Variants in EYA1 observed in about 807,000 individuals in gnomAD.
EYA1 encodes the protein EYA transcriptional coactivator and phosphatase 1.
Under a neutral mutation model 82.0 loss-of-function variants are expected in EYA1, and 16 were observed. The ratio of observed to expected loss-of-function variants is 0.20; its 90% CI spans 0.13 to 0.30. The LOEUF (loss-of-function observed/expected upper bound fraction) is 0.30. Ranked by LOEUF, EYA1 falls within the 10% of genes least tolerant of loss-of-function variation. The probability of loss-of-function intolerance (pLI) is 1.00; values close to 1 mark genes in which losing one functional copy is unlikely to be tolerated. For synonymous variants in EYA1, 261 were observed against 264.4 expected (o/e 0.99, Z 0.12); for missense variants, 633 against 730.7 (o/e 0.87, Z 1.54).
At position 71,488,574 on chromosome 8, in the gene EYA1, G is replaced by A. The variant is rs114328364; in HGVS notation, c.33+47170C>T. ...GAAGTCAGAGAAGTGATAGATATCG[G>A]TTGGGAATAAGGATGAGGGAGCCAA... is the stretch of plus-strand genomic sequence containing the variant. On this transcript the variant is annotated intron_variant, in intron 2 of 18. Coordinates refer to the EYA1 transcript ENST00000643681. Among the ~76,000 whole-genome samples, 1,335 of 152,238 alleles carry A rather than the reference G, an allele frequency of 8.8e-3. 16 individuals are homozygous for A. Among genetic ancestry groups the A allele is most frequent in the African/African-American group, 0.03 (1,246 of 41,532 alleles).
intron 2 of EYA1, chr8:71,404,411 C>T (rs1286703682): frequency 1.3e-5 from 2 of 152,196 alleles, no homozygotes; most frequent in Non-Finnish European, 2.9e-5. Context: ...GTGGTCACCA[C>T]ACTTCATAAG....
At chr8:71,534,528 T>C (rs1814540418) in intron 2 of EYA1, among the ~76,000 whole-genome samples, 1 of 151,990 alleles carries the variant, frequency 6.6e-6, no homozygotes, top group Non-Finnish European at 1.5e-5. Flanking sequence ...TCCTGCTTAT[T>C]GCATAACACC....
intron 2 of EYA1, among the ~76,000 whole-genome samples, chr8:71,462,625 C>G (rs1449018849): frequency 3.3e-5 from 5 of 152,176 alleles, no homozygotes; most frequent in Non-Finnish European, 7.4e-5. Context: ...GTCCCTGGCT[C>G]CCACTGGCTC....
At chr8:71,322,452 A>G (rs1209617737) in intron 4 of EYA1, 184 bp from the exon 5 acceptor site, 1 of 620,466 alleles carries the variant, frequency 1.6e-6, no homozygotes, top group Non-Finnish European at 2.9e-6. Flanking sequence ...AACTATAAAG[A>G]GGAATGAATA....
chr8:71,397,993 T>C (rs147240604), intron 2 of EYA1, among the ~76,000 whole-genome samples: 113 of 152,314 alleles, frequency 7.4e-4, no homozygotes, highest in African/African-American at 2.6e-3. Context: ...CATTTCTTTT[T>C]AATCTTTTTT....
chr8:71,302,812 C>A (rs1232885611), intron 7 of EYA1, among the ~76,000 whole-genome samples: 1 of 141,792 alleles, frequency 7.1e-6, no homozygotes, highest in East Asian at 2.1e-4. Context: ...TACTGTCCAG[C>A]CCATTCTCTG....
chr8:71,360,157 A>G (rs1827247230), intron 1 of EYA1, among the ~76,000 whole-genome samples: 1 of 152,222 alleles, frequency 6.6e-6, no homozygotes, highest in African/African-American at 2.4e-5. Context: ...TTCAAGTAGT[A>G]TAGTACATTA....
intron 2 of EYA1, among the ~76,000 whole-genome samples, chr8:71,445,854 A>C (rs958885068): frequency 6.6e-6 from 1 of 152,162 alleles, no homozygotes; most frequent in Non-Finnish European, 1.5e-5. Flanking sequence ...CGCCTGGCTC[A>C]TTCTAAACTT....
intron 9 of EYA1, among the ~76,000 whole-genome samples, chr8:71,292,924 GA>G (rs920038231): frequency 5.9e-4 from 89 of 151,612 alleles, no homozygotes; most frequent in Non-Finnish European, 1.1e-3. Context: ...AAAGCAATCA[GA>G]AAAAAATTAT....
chr8:71,473,864 G>C (rs1338249978), intron 2 of EYA1, among the ~76,000 whole-genome samples: 3 of 152,122 alleles, frequency 2.0e-5, no homozygotes, highest in Non-Finnish European at 4.4e-5. Context: ...GGAATACTAT[G>C]CAGCCATAAA....
At chr8:71,501,689 C>T (rs1204187429) in intron 2 of EYA1, among the ~76,000 whole-genome samples, 3 of 152,174 alleles carry the variant, frequency 2.0e-5, no homozygotes, top group Non-Finnish European at 4.4e-5. Context: ...CACTGAAATA[C>T]AGTAGCAATC....
chr8:71,294,255 C>G (rs1381675503), intron 9 of EYA1, among the ~76,000 whole-genome samples: 1 of 151,966 alleles, frequency 6.6e-6, no homozygotes, highest in Non-Finnish European at 1.5e-5. Context: ...GTCAGGAGAT[C>G]GAGACCATCC....
chr8:71,383,053 C>G (rs547452896), intron 2 of EYA1, among the ~76,000 whole-genome samples: 3 of 151,596 alleles, frequency 2.0e-5, no homozygotes, highest in South Asian at 4.2e-4. Flanking sequence ...AGTTACATTA[C>G]TGTAATGTAT....
At chr8:71,397,581 G>A (rs1287603649) in intron 2 of EYA1, among the ~76,000 whole-genome samples, 1 of 152,186 alleles carries the variant, frequency 6.6e-6, no homozygotes, top group Non-Finnish European at 1.5e-5. Context: ...ATTCTGGGTT[G>A]AAAATTCTTT....
chr8:71,363,495 T>C (rs545071518), upstream of EYA1, among the ~76,000 whole-genome samples: 5 of 152,292 alleles, frequency 3.3e-5, no homozygotes, highest in African/African-American at 1.2e-4. Flanking sequence ...CAAGGAATCA[T>C]GGGCTAGTCA....
chr8:71,248,063 A>G (rs1431994578), intron 11 of EYA1, among the ~76,000 whole-genome samples: 1 of 152,238 alleles, frequency 6.6e-6, no homozygotes. Context: ...ACTTTTCTTC[A>G]TAAATTACAG....
chr8:71,408,917 T>TCCACCCC (rs1159262743), intron 2 of EYA1, among the ~76,000 whole-genome samples: 1 of 109,250 alleles, frequency 9.2e-6, no homozygotes, highest in Non-Finnish European at 1.8e-5. Flanking sequence ...CAACAGAATA[T>TCCACCCC]ACATTTTTTT....
At position 71,199,346 on chromosome 8, in the gene EYA1, G is replaced by A. The variant is rs769375738; in HGVS notation, c.1773C>T (p.Tyr591=). Residue 591 remains tyrosine, a synonymous_variant, in exon 18 of 18, where the codon TAC becomes TAT. Transcript: ENST00000340726. Reference sequence around the variant, plus strand: ...GTCAAAGTGCCGAGCGCTGTTACAGGTACTCCAGTTCCAAGGCATGGTGCA... The same window carrying A: ...GTCAAAGTGCCGAGCGCTGTTACAGATACTCCAGTTCCAAGGCATGGTGCA... ...MALHHALELE[Y]L is the part of the protein sequence containing the mutation. The A allele has an allele frequency of 2.5e-6, 4 of 1,610,172 alleles. No individual in the cohort carries two copies. Among genetic ancestry groups the A allele is most frequent in the Non-Finnish European group, 3.4e-6 (4 of 1,177,628 alleles).
intron 2 of EYA1, among the ~76,000 whole-genome samples, chr8:71,494,365 G>C (rs371619923): frequency 6.6e-6 from 1 of 151,810 alleles, no homozygotes; most frequent in African/African-American, 2.4e-5. Flanking sequence ...TAGTTTATAC[G>C]TTTCCTCCAT....
Sources: allele counts gnomAD v4.1 joint callset (sites outside exome capture counted in the v4.1 genomes callset), GRCh38; gene constraint gnomAD v4.1.1; transcripts MANE v1.5; gene names NCBI Gene and HGNC (gene_info 2026-07-23, HGNC 2026-07-21).